Variants in SPAST observed in about 807,000 individuals in gnomAD.
SPAST encodes spastic paraplegia 4 (autosomal dominant; spastin).
Under a neutral mutation model 76.6 loss-of-function variants are expected in SPAST, and 30 were observed. The observed-to-expected ratio is 0.39, with a 90% CI of 0.29 to 0.53. The LOEUF is 0.53. Among genes scored for constraint, SPAST ranks in the 20% least tolerant of loss-of-function variants. The probability of loss-of-function intolerance (pLI) is 0.68; values close to 1 mark genes in which losing one functional copy is unlikely to be tolerated. For missense variants in SPAST, 717 were observed against 770.5 expected, an observed-to-expected ratio of 0.93 and a Z score of 0.82; for synonymous variants, 305 against 281.0, an observed-to-expected ratio of 1.09 and a Z score of -0.86.
chr2:32,128,608 T>C (rs2148746517), intron 9 of SPAST, 129 bp downstream of exon 9: 1 of 694,216 alleles, frequency 1.4e-6, no homozygotes, highest in South Asian at 1.6e-5. Context: ...ATTATTTACA[T>C]ATGATGAATA....
In SPAST at chr2:32,063,877, G is replaced by A. The variant is rs773348749; in HGVS notation, c.46G>A (p.Ala16Thr). ...AGGGAAGAAGAAAGGCTCCGGCGGCGCCAGCAACCCGGTGCCTCCCAGGCC... is the reference window on the plus strand; with the variant it reads ...AGGGAAGAAGAAAGGCTCCGGCGGCACCAGCAACCCGGTGCCTCCCAGGCC... Reference protein sequence around the residue: ...GRGKKKGSGGASNPVPPRPPP... With the variant: ...GRGKKKGSGGTSNPVPPRPPP... The change falls in exon 1 of 17, where the codon GCC becomes ACC. Residue 16 changes from alanine (A) to threonine (T), a missense_variant. Physicochemically the swap from Ala to Thr is moderately conservative, Grantham distance 58. Around this residue, in one of 3 missense-constraint regions of SPAST, gnomAD observed 543 missense variants for 445.2 expected, o/e 1.22. Coordinates refer to ENST00000315285, the MANE Select transcript of SPAST (RefSeq NM_014946.4). 3 of 1,585,200 alleles carry A rather than the reference G, an allele frequency of 1.9e-6. No individual in the cohort carries two copies. The highest frequency in any genetic ancestry group is 1.7e-6 in the Non-Finnish European group (2 of 1,169,690).
chr2:32,081,973 A>G (rs1677249095), intron 1 of SPAST, among the ~76,000 whole-genome samples: 1 of 138,706 alleles, frequency 7.2e-6, no homozygotes. Context: ...CTTCAAACAG[A>G]TGTTTTTAAA....
chr2:32,075,227 C>G (rs1469046244), intron 1 of SPAST, among the ~76,000 whole-genome samples: 1 of 151,050 alleles, frequency 6.6e-6, no homozygotes, highest in Non-Finnish European at 1.5e-5. Flanking sequence ...TTGAGACCAT[C>G]CTGGCTAACA....
chr2:32,089,011 C>A (rs1677603658), intron 2 of SPAST, among the ~76,000 whole-genome samples: 1 of 151,862 alleles, frequency 6.6e-6, no homozygotes, highest in Admixed American at 6.6e-5. Flanking sequence ...TATGAAATAC[C>A]ACAGTAGGTT....
At position 32,155,518 on chromosome 2, in the gene SPAST, C is replaced by G. The variant is rs968156291; in HGVS notation, c.*1022C>G. The G allele has an allele frequency of 6.6e-6, 1 of 152,366 alleles. No homozygotes were observed. Among genetic ancestry groups the G allele is most frequent in the African/African-American group, 2.4e-5 (1 of 41,396 alleles). 9.4% of individuals were successfully genotyped at this position (152,366 alleles called of 1,614,324 possible). On this transcript the variant is annotated 3_prime_UTR_variant, in exon 17 of 17. Coordinates refer to ENST00000315285, the MANE Select transcript of SPAST (RefSeq NM_014946.4). ...TTTTATTCTTAATAATTATTAATCCCTTCAATGAAACTTTAAAAAAACTGA... is the reference window on the plus strand; with the variant it reads ...TTTTATTCTTAATAATTATTAATCCGTTCAATGAAACTTTAAAAAAACTGA...
intron 15 of SPAST, among the ~76,000 whole-genome samples, chr2:32,146,851 CAAAAAAAAAAA>C (rs397984237): frequency 1.9e-3 from 37 of 19,238 alleles, no homozygotes; most frequent in African/African-American, 4.5e-3. Flanking sequence ...GACTCTGTCT[CAAAAAAAAAAA>C]AAAAAAAAAA....
At chr2:32,099,766 T>A (rs1351668860) in intron 4 of SPAST, among the ~76,000 whole-genome samples, 1 of 152,132 alleles carries the variant, frequency 6.6e-6, no homozygotes, top group Non-Finnish European at 1.5e-5. Flanking sequence ...GAGCTTACTC[T>A]TTCTATCTAG....
intron 9 of SPAST, among the ~76,000 whole-genome samples, chr2:32,135,444 G>A (rs907844603): frequency 2.9e-4 from 44 of 151,960 alleles, no homozygotes; most frequent in African/African-American, 1.0e-3. Context: ...TATTTGTTTC[G>A]ATTATTCTAA....
intron 4 of SPAST, among the ~76,000 whole-genome samples, chr2:32,108,127 T>C (rs1400920201): frequency 1.3e-5 from 2 of 152,158 alleles, no homozygotes; most frequent in African/African-American, 4.8e-5. Context: ...GCAGCTATTA[T>C]AATATGTTTA....
At chr2:32,075,547 C>CTTTTTTTTTTTTT (rs773998404) in intron 1 of SPAST, among the ~76,000 whole-genome samples, 3 of 85,496 alleles carry the variant, frequency 3.5e-5, no homozygotes, top group African/African-American at 4.7e-5. Context: ...TGGCTTTTTT[C>CTTTTTTTTTTTTT]TTTTTTTTTT....
At chr2:32,128,884 T>C (rs1442251831) in intron 9 of SPAST, 2 of 255,708 alleles carry the variant, frequency 7.8e-6, no homozygotes, top group Non-Finnish European at 7.7e-6. Flanking sequence ...CCTTGGCTTG[T>C]AGATGCATCC....
intron 4 of SPAST, among the ~76,000 whole-genome samples, chr2:32,101,794 G>T (rs949748501): frequency 2.0e-5 from 3 of 152,092 alleles, no homozygotes; most frequent in Non-Finnish European, 2.9e-5. Flanking sequence ...TAGATGTGTG[G>T]TATTATTTCT....
chr2:32,064,318 AC>A, intron 1 of SPAST, 72 bp downstream of exon 1: 1 of 1,298,988 alleles, frequency 7.7e-7, no homozygotes, highest in Non-Finnish European at 1.1e-6. Flanking sequence ...GGAGGGCAAC[AC>A]CTGCGTCCCT....
At chr2:32,128,506 G>A (rs367785172) in intron 9 of SPAST, 27 bp downstream of exon 9, 41 of 1,413,792 alleles carry the variant, frequency 2.9e-5, no homozygotes, top group South Asian at 4.6e-5. Context: ...CAATATTGTC[G>A]TATTTTAAGT....
In SPAST at chr2:32,136,977, T is replaced by G. The variant is rs762188878; in HGVS notation, c.1413+9T>G. The G allele has an allele frequency of 6.2e-7, 1 of 1,602,864 alleles. No individual in the cohort carries two copies. The highest frequency in any genetic ancestry group is 8.5e-7 in the Non-Finnish European group (1 of 1,170,688). On this transcript the variant is annotated intron_variant, in intron 11 of 16. Coordinates refer to ENST00000315285, the MANE Select transcript of SPAST (RefSeq NM_014946.4). ...TAATAGAATTTGATGGTGTAAGTGTTGATTATGATATTTTTAATGTGGCAG... is the reference window on the plus strand; with the variant it reads ...TAATAGAATTTGATGGTGTAAGTGTGGATTATGATATTTTTAATGTGGCAG...
intron 7 of SPAST, among the ~76,000 whole-genome samples, chr2:32,122,845 A>G (rs1679064005): frequency 2.0e-5 from 3 of 152,168 alleles, no homozygotes; most frequent in Admixed American, 2.0e-4. Context: ...AAAATCCCAA[A>G]GAACCAACAA....
At chr2:32,136,774 T>C (rs1679549485) in intron 10 of SPAST, 103 bp from the exon 11 acceptor site, 1 of 1,199,510 alleles carries the variant, frequency 8.3e-7, no homozygotes, top group Non-Finnish European at 1.2e-6. Flanking sequence ...ATCTAATGAA[T>C]TTAGTAGGAC....
chr2:32,098,880 A>T lies in SPAST; in HGVS notation c.671A>T (p.His224Leu). ...ACTAACTTGGCATGCCGCAATGGACATCTCCAGTCAGGTGGGTTTAGGTTA... is the reference window on the plus strand; with the variant it reads ...ACTAACTTGGCATGCCGCAATGGACTTCTCCAGTCAGGTGGGTTTAGGTTA... The part of the protein sequence containing the change: ...DSTNLACRNG[H>L]LQSESGAVPK... Residue 224 changes from histidine to leucine, a missense_variant, in exon 4 of 17, where the codon CAT becomes CTT. His to Leu is a moderately conservative substitution (Grantham distance 99). This residue lies in a region of SPAST where 543 missense variants were observed against 445.2 expected (regional missense o/e 1.22). Coordinates refer to ENST00000315285, the MANE Select transcript of SPAST (RefSeq NM_014946.4). 4 of 1,612,232 alleles carry T rather than the reference A, an allele frequency of 2.5e-6. No individual in the cohort carries two copies. Among genetic ancestry groups the T allele is most frequent in the Non-Finnish European group, 3.4e-6 (4 of 1,178,304 alleles).
chr2:32,098,232 A>G (rs1033048358), intron 3 of SPAST, among the ~76,000 whole-genome samples: 11 of 152,054 alleles, frequency 7.2e-5, no homozygotes, highest in African/African-American at 1.9e-4. Context: ...TTGGGAGGCT[A>G]AGGCGGGAGG....
Sources: allele counts gnomAD v4.1 joint callset (sites outside exome capture counted in the v4.1 genomes callset), GRCh38; gene constraint gnomAD v4.1.1; regional missense constraint gnomAD v4.1.1; transcripts MANE v1.5; gene names NCBI Gene and HGNC (gene_info 2026-07-23, HGNC 2026-07-21).